The following DNAJB13 variants were observed in gnomAD, a reference collection of about 807,000 sequenced individuals.
The protein encoded by DNAJB13 is dnaJ homolog subfamily B member 13.
A neutral mutation model predicts 35.6 loss-of-function variants in DNAJB13; 22 were observed. The ratio of observed to expected loss-of-function variants is 0.62; its 90% CI spans 0.44 to 0.88. The LOEUF is 0.88. Among genes scored for constraint, DNAJB13 ranks in the 40% least tolerant of loss-of-function variants. DNAJB13 has a pLI of 0.00. For synonymous variants in DNAJB13, 136 were observed against 144.2 expected, an observed-to-expected ratio of 0.94 and a Z score of 0.41; for missense variants, 370 against 384.3, an observed-to-expected ratio of 0.96 and a Z score of 0.31.
intron 1 of DNAJB13, among the ~76,000 whole-genome samples, chr11:73,954,029 A>ATTAT (rs1565166802): frequency 1.4e-4 from 20 of 141,808 alleles, no homozygotes; most frequent in African/African-American, 5.6e-4. Flanking sequence ...AATAATAATA[A>ATTAT]TAATAATAAT....
In DNAJB13 at chr11:73,951,538, A is replaced by G. The variant is rs1236223321; in HGVS notation, c.68+401A>G. 2.0e-5 allele frequency among the ~76,000 whole-genome samples: 3 copies of G among 152,236 alleles called. No homozygotes were observed. The East Asian group carries it at 5.8e-4, about 29-fold the overall frequency. On this transcript the variant is annotated intron_variant, in intron 1 of 7. Coordinates refer to ENST00000339764, the MANE Select transcript of DNAJB13 (RefSeq NM_153614.4). ...AATTCTGGCCATGATGGAGGTTTTCAGCATTGACTAAACTACATTCCTGAA... is the reference window on the plus strand; with the variant it reads ...AATTCTGGCCATGATGGAGGTTTTCGGCATTGACTAAACTACATTCCTGAA...
chr11:73,964,761 G>C, intron 3 of DNAJB13, 117 bp from the exon 4 acceptor site: 1 of 1,087,560 alleles, frequency 9.2e-7, no homozygotes, highest in Non-Finnish European at 1.4e-6. Context: ...TCTGGATAGG[G>C]AGGCTGTGTG....
At chr11:73,969,527 C>T (rs1951219988) in intron 7 of DNAJB13, among the ~76,000 whole-genome samples, 1 of 152,206 alleles carries the variant, frequency 6.6e-6, no homozygotes, top group Admixed American at 6.5e-5. Flanking sequence ...ACATCTTTTT[C>T]TAATCCACAC....
In DNAJB13 at chr11:73,966,146, C is replaced by G. The variant is rs779711726; in HGVS notation, c.501C>G (p.Asn167Lys). ...CTGATATGTTGCTATAGGTGCTGAA[C>G]GAGGATGGGTACTCCTCCACCATCA... ...KKIKISRRVL[N>K]EDGYSSTIKD... Residue 167 changes from asparagine to lysine, a missense_variant, in exon 5 of 8, where the codon AAC becomes AAG. Transcript: ENST00000339764. 2 of 1,612,660 alleles carry G rather than the reference C, an allele frequency of 1.2e-6. No individual in the cohort carries two copies. The highest frequency in any genetic ancestry group is 2.2e-5 in the East Asian group (1 of 44,872).
chr11:73,957,286 A>G (rs1339653535), intron 1 of DNAJB13, among the ~76,000 whole-genome samples: 3 of 152,170 alleles, frequency 2.0e-5, no homozygotes, highest in Non-Finnish European at 4.4e-5. Context: ...GTGTCGCTTG[A>G]CAGAAGGTCA....
Position 73,958,321 on chromosome 11 carries a change from C to G in DNAJB13, c.73C>G (p.Arg25Gly), listed in dbSNP as rs375603870. The change falls in exon 2 of 8, where the codon CGC becomes GGC. Residue 25 changes from arginine to glycine, a missense_variant. By Grantham distance (125) the Arg-to-Gly change is moderately radical. Transcript: ENST00000339764. ...TATTAATTCTCCCTCTTCCAGGTAC[C>G]GCAGACTCGCCCTTAAGCACCACCC... ...SEDAQIKQAY[R>G]RLALKHHPLK... The G allele has an allele frequency of 6.2e-7, 1 of 1,614,016 alleles. No individual in the cohort carries two copies. The highest frequency in any genetic ancestry group is 8.5e-7 in the Non-Finnish European group (1 of 1,179,974).
intron 4 of DNAJB13, chr11:73,965,625 C>T (rs1446829319): frequency 1.2e-5 from 2 of 161,938 alleles, no homozygotes; most frequent in Non-Finnish European, 2.7e-5. Flanking sequence ...ACAGATGGAA[C>T]CCATCTGGAC....
At chr11:73,951,625 A>G (rs1417584720) in intron 1 of DNAJB13, among the ~76,000 whole-genome samples, 1 of 152,172 alleles carries the variant, frequency 6.6e-6, no homozygotes, top group Non-Finnish European at 1.5e-5. Flanking sequence ...AACAGGAGTC[A>G]GTACATTTTT....
rs772231252 is a variant in DNAJB13, at chr11:73,968,423, A to C, written c.685A>C (p.Asn229His). 1.9e-6 allele frequency: 3 copies of C among 1,613,924 alleles called. No individual in the cohort carries two copies. In the African/African-American group the frequency reaches 4.0e-5, roughly 22 times the overall value. The change falls in exon 6 of 8, where the codon AAC becomes CAC. Residue 229 changes from asparagine (N) to histidine (H), a missense_variant. By Grantham distance (68) the Asn-to-His change is moderately conservative. Transcript: ENST00000339764. Reference sequence around the variant, plus strand: ...CCCTCGCTTCCGCAGGGAGAATGACAACCTCTTCTTCGTGAACCCCATCCC... The same window carrying C: ...CCCTCGCTTCCGCAGGGAGAATGACCACCTCTTCTTCGTGAACCCCATCCC... ...LHPRFRREND[N>H]LFFVNPIPLG...
chr11:73,960,114 A>C (rs1950887898), intron 3 of DNAJB13, among the ~76,000 whole-genome samples: 1 of 152,304 alleles, frequency 6.6e-6, no homozygotes, highest in Admixed American at 6.5e-5. Flanking sequence ...CAAAAGAAAA[A>C]GTAAAACAGA....
At chr11:73,967,582 T>C (rs189042296) in intron 5 of DNAJB13, among the ~76,000 whole-genome samples, 1 of 152,156 alleles carries the variant, frequency 6.6e-6, no homozygotes, top group African/African-American at 2.4e-5. Flanking sequence ...TTGTCTCTAC[T>C]AAAAATAAAA....
At chr11:73,958,103 C>G (rs1176482239) in intron 1 of DNAJB13, among the ~76,000 whole-genome samples, 1 of 152,198 alleles carries the variant, frequency 6.6e-6, no homozygotes, top group Non-Finnish European at 1.5e-5. Flanking sequence ...CTCAGATGCC[C>G]AGGGGGGCAG....
rs78728934 is a variant in DNAJB13, at chr11:73,966,543, G to A, written c.606+292G>A. On this transcript the variant is annotated intron_variant, in intron 5 of 7. Transcript: ENST00000339764. ...GGGACTTGCCCAGGGCAAGAACATGGGAGCTGAAAGGAGATCCCAGTCTGA... is the reference window on the plus strand; with the variant it reads ...GGGACTTGCCCAGGGCAAGAACATGAGAGCTGAAAGGAGATCCCAGTCTGA... Among the ~76,000 whole-genome samples the A allele has an allele frequency of 0.045, 6,862 of 152,156 alleles. 536 individuals carry two copies. Among genetic ancestry groups the A allele is most frequent in the African/African-American group, 0.16 (6,538 of 41,472 alleles).
In DNAJB13 at chr11:73,964,806, T is replaced by TGTGTGTGTGCGC. The variant is rs1951040863; in HGVS notation, c.335-65_335-64insTGCGCGTGTGTG. On this transcript the variant is annotated intron_variant, in intron 3 of 7. Transcript: ENST00000339764. ...GTGTGTGTGTGTGTGTGTGTGTGTG[T>TGTGTGTGTGCGC]GTGTGTGCGCGCGCGCGCATGTCTG... is the stretch of plus-strand genomic sequence containing the variant. 6 of 729,970 alleles carry TGTGTGTGTGCGC rather than the reference T, an allele frequency of 8.2e-6. 1 individual carries two copies. The South Asian group carries it at 9.8e-5, about 12-fold the overall frequency. The allele number at this position is 729,970 out of a possible 1,614,324, so 45.2% of individuals were successfully genotyped here.
intron 1 of DNAJB13, among the ~76,000 whole-genome samples, chr11:73,956,405 G>A (rs1950742414): frequency 6.6e-6 from 1 of 152,142 alleles, no homozygotes; most frequent in Non-Finnish European, 1.5e-5. Context: ...GAGGCCAGAG[G>A]GAGAAGCAGG....
chr11:73,958,241 G>A, intron 1 of DNAJB13, 76 bp from the exon 2 acceptor site: 1 of 1,466,672 alleles, frequency 6.8e-7, no homozygotes, highest in Non-Finnish European at 9.5e-7. Context: ...AGTGAACAGA[G>A]TGCCGGCTCT....
At chr11:73,956,444 G>C (rs1442761008) in intron 1 of DNAJB13, among the ~76,000 whole-genome samples, 2 of 152,268 alleles carry the variant, frequency 1.3e-5, no homozygotes, top group African/African-American at 4.8e-5. Flanking sequence ...AGACATCCGA[G>C]TTTTATGCTG....
chr11:73,951,073 G>A lies in DNAJB13; in HGVS notation c.4G>A (p.Gly2Ser). 6.2e-7 allele frequency: 1 copy of A among 1,613,978 alleles called. No homozygotes were observed. The highest frequency in any genetic ancestry group is 8.5e-7 in the Non-Finnish European group (1 of 1,179,978). Residue 2 changes from glycine to serine, a missense_variant, in exon 1 of 8, where the codon GGC becomes AGC. Physicochemically the swap from Gly to Ser is moderately conservative, Grantham distance 56. Transcript: ENST00000339764. Reference sequence around the variant, plus strand: ...CCTGACTGCCAGCTAGCCAGCCATGGGCCAGGATTATTACTCTGTGCTCGG... The same window carrying A: ...CCTGACTGCCAGCTAGCCAGCCATGAGCCAGGATTATTACTCTGTGCTCGG... M[G>S]QDYYSVLGIT...
intron 1 of DNAJB13, among the ~76,000 whole-genome samples, chr11:73,955,604 A>G (rs2135284457): frequency 6.6e-6 from 1 of 152,068 alleles, no homozygotes; most frequent in Middle Eastern, 3.4e-3. Context: ...AGATGGGCAG[A>G]TCACTTGAGG....
Sources: gnomAD v4.1 joint callset for allele counts (sites outside exome capture counted in the v4.1 genomes callset) on GRCh38, gnomAD v4.1.1 for gene constraint, MANE v1.5 for transcripts, NCBI Gene and HGNC (gene_info 2026-07-23, HGNC 2026-07-21) for gene names.